The following UBAC2 variants were observed in gnomAD, a reference collection of about 807,000 sequenced individuals.
The protein encoded by UBAC2 is ubiquitin-associated domain-containing protein 2.
In UBAC2, 26 loss-of-function variants were observed where a neutral mutation model predicts 44.0. That is an observed-to-expected ratio of 0.59 (90% CI 0.43 to 0.82). UBAC2 has a LOEUF of 0.82. Among genes scored for constraint, UBAC2 ranks in the 40% least tolerant of loss-of-function variants. The pLI is 0.00. For synonymous variants in UBAC2, 155 were observed against 154.3 expected, an observed-to-expected ratio of 1.00 and a Z score of -0.04; for missense variants, 329 against 419.4, an observed-to-expected ratio of 0.78 and a Z score of 1.88.
At chr13:99,243,233 CTTTTTTTTTTT>C (rs773750160) in intron 2 of UBAC2, among the ~76,000 whole-genome samples, 76 of 94,266 alleles carry the variant, frequency 8.1e-4, no homozygotes, top group African/African-American at 3.0e-3. Context: ...TTGAGTAGCT[CTTTTTTTTTTT>C]TTTTTTTTTT....
At chr13:99,331,421 A>G (rs1261482156) in intron 6 of UBAC2, among the ~76,000 whole-genome samples, 4 of 152,378 alleles carry the variant, frequency 2.6e-5, no homozygotes, top group East Asian at 3.9e-4. Context: ...CTAAGACAGT[A>G]TGTGAGAAAC....
At position 99,238,493 on chromosome 13, in the gene UBAC2, T is replaced by A; in HGVS notation, c.98T>A (p.Leu33His). ...PSALSLLLAL[L>H]LPHCQKLFVY... ...GCCCTCTCCCTCCTGCTCGCCCTCCTCCTGCCTCACTGCCAGAAGCTCTTT... is the reference window on the plus strand; with the variant it reads ...GCCCTCTCCCTCCTGCTCGCCCTCCACCTGCCTCACTGCCAGAAGCTCTTT... The change falls in exon 2 of 9, where the codon CTC becomes CAC. Residue 33 changes from leucine to histidine, a missense_variant. By Grantham distance (99) the Leu-to-His change is moderately conservative. Transcript: ENST00000403766. 6.2e-7 allele frequency: 1 copy of A among 1,613,932 alleles called. No individual in the cohort carries two copies.
chr13:99,342,310 C>T (rs2044902322), intron 7 of UBAC2, among the ~76,000 whole-genome samples: 1 of 152,184 alleles, frequency 6.6e-6, no homozygotes, highest in Admixed American at 6.5e-5. Context: ...TTAATTACCT[C>T]CTTAAAGTTC....
At position 99,380,430 on chromosome 13, in the gene UBAC2, C is replaced by A. The variant is rs554813774; in HGVS notation, c.928-4798C>A. On this transcript the variant is annotated intron_variant, in intron 8 of 8. Transcript: ENST00000403766. ...GAGCCACAGCAGTAATTGTTAGTGT[C>A]CACCAAAGAGCCCTACAGACAACTG... is the stretch of plus-strand genomic sequence containing the variant. Among the ~76,000 whole-genome samples the A allele has an allele frequency of 4.6e-5, 7 of 152,250 alleles. No individual in the cohort carries two copies. In the East Asian group the frequency reaches 1.4e-3, roughly 29 times the overall value.
At chr13:99,355,938 C>T (rs1472800379) in intron 7 of UBAC2, among the ~76,000 whole-genome samples, 1 of 152,258 alleles carries the variant, frequency 6.6e-6, no homozygotes, top group Non-Finnish European at 1.5e-5. Context: ...ATGGAACTGG[C>T]TGGGAGCCGT....
intron 7 of UBAC2, among the ~76,000 whole-genome samples, chr13:99,350,783 T>C (rs1939900089): frequency 6.6e-6 from 1 of 152,268 alleles, no homozygotes; most frequent in South Asian, 2.1e-4. Flanking sequence ...AGGTTAGGTC[T>C]GGCGATTGCC....
chr13:99,203,588 A>G (rs546219387), intron 1 of UBAC2, among the ~76,000 whole-genome samples: 3 of 152,324 alleles, frequency 2.0e-5, no homozygotes, highest in East Asian at 1.9e-4. Flanking sequence ...TTGGGTACCC[A>G]TATCAGCCAC....
At chr13:99,382,089 CAG>C (rs1342791164) in intron 8 of UBAC2, among the ~76,000 whole-genome samples, 1 of 152,188 alleles carries the variant, frequency 6.6e-6, no homozygotes, top group East Asian at 1.9e-4. Context: ...CCCTTGAACA[CAG>C]AGTTCTGGGC....
chr13:99,209,125 G>C lies in UBAC2; in HGVS notation c.31+8186G>C, dbSNP rs537258459. 2.0e-5 allele frequency among the ~76,000 whole-genome samples: 3 copies of C among 152,294 alleles called. No homozygotes were observed. In the South Asian group the frequency reaches 6.2e-4, roughly 32 times the overall value. ...CCCAGTGCTCAGCACGGCTTTTCCA[G>C]CTCTCTAGATTTCCCAGGTTGGAGA... On this transcript the variant is annotated intron_variant, in intron 1 of 8. Transcript: ENST00000403766.
chr13:99,272,197 C>G (rs2043824524), intron 4 of UBAC2, among the ~76,000 whole-genome samples: 1 of 152,182 alleles, frequency 6.6e-6, no homozygotes, highest in Non-Finnish European at 1.5e-5. Context: ...GGGCTTGTAT[C>G]TAGGTCAAGT....
intron 4 of UBAC2, among the ~76,000 whole-genome samples, chr13:99,300,838 T>A (rs1242427051): frequency 6.6e-6 from 1 of 152,256 alleles, no homozygotes; most frequent in East Asian, 1.9e-4. Flanking sequence ...CTGCTCACTT[T>A]GTGCATTACA....
intron 1 of UBAC2, among the ~76,000 whole-genome samples, chr13:99,217,844 G>A (rs867875473): frequency 5.3e-5 from 8 of 152,198 alleles, no homozygotes; most frequent in African/African-American, 1.9e-4. Context: ...TGTTAGGTGG[G>A]TGGCAGCGTC....
At chr13:99,296,210 C>T in intron 4 of UBAC2, 1 of 1,446,694 alleles carries the variant, frequency 6.9e-7, no homozygotes, top group Non-Finnish European at 9.2e-7. Context: ...CATATGTATT[C>T]AGTTTGATTA....
chr13:99,203,023 TTTTATTTA>T (rs58103279), intron 1 of UBAC2, among the ~76,000 whole-genome samples: 25,805 of 146,402 alleles, frequency 0.18, 2,482 homozygotes, highest in Middle Eastern at 0.23. Flanking sequence ...CTTTGTTTTA[TTTTATTTA>T]TTTATTTATT....
chr13:99,256,759 T>TG (rs2043568333), intron 4 of UBAC2, among the ~76,000 whole-genome samples: 2 of 149,360 alleles, frequency 1.3e-5, no homozygotes, highest in Non-Finnish European at 3.0e-5. Context: ...TTATTTGGGG[T>TG]TGCAAATATC....
chr13:99,268,461 A>C (rs565518759), intron 4 of UBAC2, among the ~76,000 whole-genome samples: 1 of 152,052 alleles, frequency 6.6e-6, no homozygotes, highest in South Asian at 2.1e-4. Context: ...ACAAAAAATT[A>C]GCCAGGCGTG....
intron 6 of UBAC2, among the ~76,000 whole-genome samples, chr13:99,338,031 CT>C (rs1053874226): frequency 9.6e-5 from 4 of 41,782 alleles, no homozygotes; most frequent in East Asian, 4.9e-4. Context: ...AATCTCCTAA[CT>C]TTTTTTCTTT....
At chr13:99,341,808 C>CT (rs1392966591) in intron 7 of UBAC2, among the ~76,000 whole-genome samples, 1 of 152,092 alleles carries the variant, frequency 6.6e-6, no homozygotes, top group Non-Finnish European at 1.5e-5. Context: ...GTCAGAAAAA[C>CT]TGAGTAGTGA....
intron 4 of UBAC2, among the ~76,000 whole-genome samples, chr13:99,249,121 C>T (rs1391286719): frequency 1.3e-5 from 2 of 152,116 alleles, no homozygotes; most frequent in African/African-American, 4.8e-5. Context: ...ATGATCCTGT[C>T]ACCCAGGTAG....
Sources: gnomAD v4.1 joint callset for allele counts (sites outside exome capture counted in the v4.1 genomes callset) on GRCh38, gnomAD v4.1.1 for gene constraint, MANE v1.5 for transcripts, NCBI Gene and HGNC (gene_info 2026-07-23, HGNC 2026-07-21) for gene names.